Variants in NPC1 observed in about 807,000 individuals in gnomAD.
The protein encoded by NPC1 is Niemann-Pick C1 protein.
NPC1 carries 85 observed loss-of-function variants against 140.4 expected under a neutral mutation model. The ratio of observed to expected loss-of-function variants is 0.61; its 90% CI spans 0.51 to 0.72. NPC1 has a LOEUF of 0.72. NPC1 is among the 30% of genes least tolerant of loss of function. The pLI, the probability that NPC1 is intolerant of heterozygous loss-of-function variation, is 0.00. For missense variants in NPC1, 1,504 were observed against 1,623.8 expected, an observed-to-expected ratio of 0.93 and a Z score of 1.27; for synonymous variants, 656 against 624.8, an observed-to-expected ratio of 1.05 and a Z score of -0.74.
intron 3 of NPC1, among the ~76,000 whole-genome samples, chr18:23,513,696 C>T (rs963637926): frequency 2.6e-5 from 4 of 152,182 alleles, no homozygotes; most frequent in Non-Finnish European, 5.9e-5. Flanking sequence ...ATATCCTCAC[C>T]AACACTTGCT....
intron 7 of NPC1, 62 bp from the exon 8 acceptor site, chr18:23,556,675 G>C: frequency 6.3e-7 from 1 of 1,598,892 alleles, no homozygotes; most frequent in Middle Eastern, 1.7e-4. Context: ...CTGAAAGTCG[G>C]AACAGGGAAA....
chr18:23,514,177 T>C (rs1792616860), intron 3 of NPC1, among the ~76,000 whole-genome samples: 1 of 152,228 alleles, frequency 6.6e-6, no homozygotes, highest in Non-Finnish European at 1.5e-5. Context: ...AATACACCTG[T>C]GTGTTAATGC....
downstream of NPC1, chr18:23,529,680 C>T (rs772461731): frequency 1.9e-6 from 3 of 1,614,000 alleles, no homozygotes; most frequent in Admixed American, 3.3e-5. Context: ...GGAATACATT[C>T]GTTCTCTTAA....
At chr18:23,519,262 A>G, downstream of NPC1, 5 of 1,193,494 alleles carry the variant, frequency 4.2e-6, no homozygotes, top group Non-Finnish European at 6.1e-6. Context: ...TCACGCCTGT[A>G]ATCCCAGCAC....
intron 1 of NPC1, among the ~76,000 whole-genome samples, chr18:23,574,296 C>T (rs1443111240): frequency 1.3e-5 from 2 of 152,090 alleles, no homozygotes; most frequent in East Asian, 1.9e-4. Context: ...CTGCCCAAAA[C>T]GCACCTGATC....
chr18:23,527,747 C>G, downstream of NPC1: 1 of 1,457,816 alleles, frequency 6.9e-7, no homozygotes, highest in East Asian at 2.3e-5. Context: ...AATTCTGAAG[C>G]TGACATGAAG....
chr18:23,529,164 GTTT>G (rs748155130), downstream of NPC1: 1 of 1,606,452 alleles, frequency 6.2e-7, no homozygotes, highest in African/African-American at 1.3e-5. Flanking sequence ...ATAGTTTGTG[GTTT>G]TTTTCTTTCA....
At chr18:23,550,738 G>A (rs755756038) in intron 10 of NPC1, among the ~76,000 whole-genome samples, 1 of 151,668 alleles carries the variant, frequency 6.6e-6, no homozygotes. Context: ...CACCCGCCTC[G>A]GCCTCCGAAA....
chr18:23,524,254 G>C (rs759000250), intron 1 of NPC1: 1 of 1,563,130 alleles, frequency 6.4e-7, no homozygotes, highest in Non-Finnish European at 8.8e-7. Context: ...GTCCTCCTCC[G>C]GGCAGCTGTG....
chr18:23,556,718 C>G (rs888296055), intron 7 of NPC1, 105 bp from the exon 8 acceptor site: 34 of 1,536,962 alleles, frequency 2.2e-5, no homozygotes, highest in Middle Eastern at 4.1e-4. Flanking sequence ...AGGAATCAAG[C>G]CCACCTGGGG....
chr18:23,558,987 C>T (rs944931807), intron 6 of NPC1, among the ~76,000 whole-genome samples: 1 of 152,060 alleles, frequency 6.6e-6, no homozygotes, highest in Non-Finnish European at 1.5e-5. Flanking sequence ...GTTTTTTGTC[C>T]TTGCGATATT....
chr18:23,552,007 T>G (rs1389263788), intron 9 of NPC1, among the ~76,000 whole-genome samples: 1 of 152,014 alleles, frequency 6.6e-6, no homozygotes, highest in Non-Finnish European at 1.5e-5. Context: ...GGCAAAATTA[T>G]AGCCAAGAGG....
At chr18:23,521,642 G>A (rs2058143041), downstream of NPC1, among the ~76,000 whole-genome samples, 1 of 151,794 alleles carries the variant, frequency 6.6e-6, no homozygotes, top group African/African-American at 2.4e-5. Context: ...CCTTTTTCCA[G>A]TGTAATTGAT....
intron 10 of NPC1, among the ~76,000 whole-genome samples, chr18:23,548,712 A>G (rs1567958917): frequency 6.6e-6 from 1 of 152,222 alleles, no homozygotes; most frequent in Non-Finnish European, 1.5e-5. Flanking sequence ...TTTCTATTAC[A>G]AAGTTACTAT....
At position 23,536,819 on chromosome 18, in the gene NPC1, G is replaced by C; in HGVS notation, c.3099C>G (p.Val1033=). 6.2e-7 allele frequency: 1 copy of C among 1,614,110 alleles called. No homozygotes were observed. Among genetic ancestry groups the C allele is most frequent in the Non-Finnish European group, 8.5e-7 (1 of 1,179,998 alleles). ...GGTAGGTCATGAAGTACGTGGCTCC[G>C]ACCCTGGTGCCATGGCCAAGGAGGA... ...VNILLGHGTR[V]GATYFMTYHT... is the part of the protein sequence containing the mutation. Residue 1033 remains valine, a synonymous_variant, in exon 21 of 25, where the codon GTC becomes GTG. Transcript: ENST00000269228.
intron 9 of NPC1, among the ~76,000 whole-genome samples, chr18:23,553,780 G>A (rs2058909536): frequency 1.3e-5 from 2 of 152,148 alleles, no homozygotes; most frequent in Admixed American, 1.3e-4. Flanking sequence ...CGCTTCCTGG[G>A]GTGACTATTC....
intron 3 of NPC1, among the ~76,000 whole-genome samples, chr18:23,511,254 C>A (rs778783367): frequency 1.3e-5 from 2 of 151,912 alleles, no homozygotes; most frequent in Non-Finnish European, 2.9e-5. Flanking sequence ...CATGATCTCA[C>A]TTCTAAGTGG....
intron 11 of NPC1, among the ~76,000 whole-genome samples, chr18:23,546,248 CAAAAAAAAAAAAA>C (rs60021403): frequency 2.0e-4 from 9 of 45,552 alleles, no homozygotes; most frequent in African/African-American, 3.0e-4. Flanking sequence ...GACTCTGTCT[CAAAAAAAAAAAAA>C]AAAAAAAAAA....
downstream of NPC1, chr18:23,519,288 C>T (rs1165595315): frequency 1.0e-5 from 9 of 862,968 alleles, no homozygotes; most frequent in African/African-American, 3.3e-5. Context: ...GAGGCCAAGG[C>T]GGACAGATTG....
Sources: allele counts gnomAD v4.1 joint callset (sites outside exome capture counted in the v4.1 genomes callset), GRCh38; gene constraint gnomAD v4.1.1; transcripts MANE v1.5; gene names NCBI Gene and HGNC (gene_info 2026-07-23, HGNC 2026-07-21).